NOS3: variants seen among roughly 807,000 people sequenced by gnomAD.
NOS3 encodes nitric oxide synthase 3.
In NOS3, 98 loss-of-function variants were observed where a neutral mutation model predicts 144.9. That is an observed-to-expected ratio of 0.68 (90% confidence interval 0.57 to 0.80). NOS3 has a LOEUF of 0.80. Ranked by LOEUF, NOS3 falls within the 30% of genes least tolerant of loss-of-function variation. The probability of loss-of-function intolerance (pLI) is 0.00; values close to 1 mark genes in which losing one functional copy is unlikely to be tolerated. For missense variants in NOS3, 1,465 were observed against 1,656.4 expected, an observed-to-expected ratio of 0.88 and a Z score of 2.01; for synonymous variants, 714 against 702.4, an observed-to-expected ratio of 1.02 and a Z score of -0.26.
chr7:150,992,799 T>G (rs1802281451), intron 1 of NOS3, among the ~76,000 whole-genome samples: 1 of 152,244 alleles, frequency 6.6e-6, no homozygotes, highest in Admixed American at 6.5e-5. Flanking sequence ...ATCACGAGGC[T>G]TCGACCCCTG....
chr7:151,013,947 T>C, intron 26 of NOS3, 29 bp downstream of exon 26: 1 of 1,602,016 alleles, frequency 6.2e-7, no homozygotes, highest in Non-Finnish European at 8.5e-7. Flanking sequence ...GGCCTGAGCG[T>C]GCGGGGTTCC....
Position 151,007,054 on chromosome 7 carries a change from C to G in NOS3, c.1938-48C>G, listed in dbSNP as rs369496580. On this transcript the variant is annotated intron_variant, in intron 16 of 26. Coordinates refer to ENST00000297494, the MANE Select transcript of NOS3 (RefSeq NM_000603.5). ...GCAACGGGTGGGCAAGCTGCCTGGGCAAACGTGGCCTGCAAAGGGAGCTCC... is the reference window on the plus strand; with the variant it reads ...GCAACGGGTGGGCAAGCTGCCTGGGGAAACGTGGCCTGCAAAGGGAGCTCC... 8.7e-6 allele frequency: 14 copies of G among 1,613,982 alleles called. No homozygotes were observed. The African/African-American group carries it at 1.9e-4, about 22-fold the overall frequency.
At position 151,008,453 on chromosome 7, in the gene NOS3, G is replaced by A. The variant is rs1795239363; in HGVS notation, c.2113-477G>A. ...TGGGGTCCCCTCTGCCGCCCGAATT[G>A]TGCGTCCCTTCCCAGGAGCACTTAC... is the stretch of plus-strand genomic sequence containing the variant. On this transcript the variant is annotated intron_variant, in intron 17 of 26. Transcript: ENST00000297494. Among the ~76,000 whole-genome samples, 4 of 152,174 alleles carry A rather than the reference G, an allele frequency of 2.6e-5. No homozygotes were observed. In the South Asian group the frequency reaches 8.3e-4, roughly 31 times the overall value.
At chr7:151,011,473 A>G (rs1795303092) in intron 23 of NOS3, among the ~76,000 whole-genome samples, 3 of 139,422 alleles carry the variant, frequency 2.2e-5, no homozygotes, top group Admixed American at 1.4e-4. Context: ...GTGCAGTGGT[A>G]CGATCTCGGC....
Position 151,008,166 on chromosome 7 carries a change from G to A in NOS3, c.2113-764G>A, listed in dbSNP as rs550437143. The stretch of plus-strand genomic sequence containing the variant: ...GCGTAGGATCCATTACAGCATCACC[G>A]AACCAGAAGCAGGAAGGCTGAGCTA... On this transcript the variant is annotated intron_variant, in intron 17 of 26. Coordinates refer to ENST00000297494, the MANE Select transcript of NOS3 (RefSeq NM_000603.5). 5.9e-5 allele frequency among the ~76,000 whole-genome samples: 9 copies of A among 152,306 alleles called. No individual in the cohort carries two copies. In the South Asian group the frequency reaches 1.7e-3, roughly 28 times the overall value.
chr7:151,011,258 CCTCT>C (rs1563232279), intron 23 of NOS3, among the ~76,000 whole-genome samples: 1 of 152,006 alleles, frequency 6.6e-6, no homozygotes, highest in Non-Finnish European at 1.5e-5. Context: ...CTTCTGTGTT[CCTCT>C]CTATGTCCCT....
chr7:150,995,896 A>G (rs1343502106), intron 3 of NOS3, among the ~76,000 whole-genome samples: 1 of 4,788 alleles, frequency 2.1e-4, no homozygotes, highest in East Asian at 5.6e-3. Context: ...TCCCACCCCT[A>G]AACCCCTCCT....
rs779840976 is a variant in NOS3, at chr7:151,014,088, C to G, written c.3531C>G (p.Ser1177Arg). 6.2e-7 allele frequency: 1 copy of G among 1,613,852 alleles called. No individual in the cohort carries two copies. Among genetic ancestry groups the G allele is most frequent in the East Asian group, 2.2e-5 (1 of 44,874 alleles). The change falls in exon 27 of 27, where the codon AGC becomes AGG. Residue 1177 changes from serine (S) to arginine (R), a missense_variant. Transcript: ENST00000297494. ...QEVTSRIRTQ[S>R]FSLQERQLRG... ...TGACAAGCCGCATACGCACCCAGAGCTTTTCCTTGCAGGAGCGTCAGTTGC... is the reference window on the plus strand; with the variant it reads ...TGACAAGCCGCATACGCACCCAGAGGTTTTCCTTGCAGGAGCGTCAGTTGC...
chr7:151,011,324 C>T (rs1270212381), intron 23 of NOS3, among the ~76,000 whole-genome samples: 2 of 151,892 alleles, frequency 1.3e-5, no homozygotes, highest in African/African-American at 4.8e-5. Context: ...GTCACTAAAT[C>T]CTCACTCAAT....
rs200058561 is a variant in NOS3 at position 150,998,498 on chromosome 7, G to C, written c.675-41G>C. Reference sequence around the variant, plus strand: ...CCCCAGCCTTCTTCCCCAAGGCAGGGAAGGCGGGGCTCTGACCAGCTCTTT... The same window carrying C: ...CCCCAGCCTTCTTCCCCAAGGCAGGCAAGGCGGGGCTCTGACCAGCTCTTT... On this transcript the variant is annotated intron_variant, in intron 6 of 26. Coordinates refer to ENST00000297494, the MANE Select transcript of NOS3 (RefSeq NM_000603.5). The surrounding 1 kb of genome is among the most constrained non-coding windows in gnomAD (Gnocchi z 5.0). 5.2e-3 allele frequency: 8,305 copies of C among 1,611,290 alleles called. 41 individuals are homozygous for C. The highest frequency in any genetic ancestry group is 5.7e-3 in the Non-Finnish European group (6,708 of 1,179,300).
intron 1 of NOS3, among the ~76,000 whole-genome samples, chr7:150,992,425 C>T (rs1802272693): frequency 6.6e-6 from 1 of 152,164 alleles, no homozygotes; most frequent in Non-Finnish European, 1.5e-5. Context: ...GGCTTGGGGT[C>T]ATGGGACAAA....
At chr7:150,995,107 G>T in intron 2 of NOS3, 96 bp from the exon 3 acceptor site, 1 of 642,186 alleles carries the variant, frequency 1.6e-6, no homozygotes, top group South Asian at 2.1e-5. Flanking sequence ...TGGGCTGTGA[G>T]ATCGCCAGTG....
intron 18 of NOS3, 54 bp downstream of exon 18, chr7:151,009,116 G>A: frequency 2.5e-6 from 4 of 1,612,948 alleles, no homozygotes; most frequent in Admixed American, 1.7e-5. Flanking sequence ...CCCACACCCC[G>A]GGACTAAAGC....
At position 151,010,537 on chromosome 7, in the gene NOS3, G is replaced by A; in HGVS notation, c.2686-60G>A. On this transcript the variant is annotated intron_variant, in intron 21 of 26. Transcript: ENST00000297494. ...AGAGGCTCAGTGGGGGAGGGGTCAA[G>A]AAGGGAGGTTACTAGGAAGGGCTAT... is the stretch of plus-strand genomic sequence containing the variant. 3 of 1,460,326 alleles carry A rather than the reference G, an allele frequency of 2.1e-6. No homozygotes were observed. The South Asian group carries it at 4.1e-5, about 20-fold the overall frequency. The allele number at this position is 1,460,326 out of a possible 1,614,324, so 90.5% of individuals were successfully genotyped here.
Position 151,013,859 on chromosome 7 carries a change from C to T in NOS3, c.3391C>T (p.Leu1131=). ...CGTCCTGCAGACCGTGCAGCGCATC[C>T]TGGCGACGGAGGGCGACATGGAGCT... The part of the protein sequence containing the change: ...TNVLQTVQRI[L]ATEGDMELDE... Residue 1131 remains leucine (L), a synonymous_variant, in exon 26 of 27, where the codon CTG becomes TTG. Transcript: ENST00000297494. The T allele has an allele frequency of 1.2e-6, 2 of 1,604,358 alleles. No homozygotes were observed. The highest frequency in any genetic ancestry group is 2.2e-5 in the South Asian group (2 of 89,580).
chr7:151,001,716 T>C, intron 12 of NOS3, 99 bp downstream of exon 12: 1 of 1,574,258 alleles, frequency 6.4e-7, no homozygotes, highest in Non-Finnish European at 8.7e-7. Context: ...GTTCTGGGCC[T>C]ACCACTCAGT....
At chr7:151,013,069 T>C in intron 24 of NOS3, 162 bp from the exon 25 acceptor site, 1 of 768,386 alleles carries the variant, frequency 1.3e-6, no homozygotes, top group Non-Finnish European at 2.1e-6. Context: ...GCAGGGTCTC[T>C]GTGAAAGCAT....
chr7:151,001,170 G>A, intron 10 of NOS3, 61 bp from the exon 11 acceptor site: 2 of 1,564,350 alleles, frequency 1.3e-6, no homozygotes, highest in South Asian at 1.1e-5. Flanking sequence ...GAGTGGTGGA[G>A]GAAGAATGGG....
rs1416732381 is a variant in NOS3 at position 151,001,432 on chromosome 7, AC to A, written c.1428+10del. ...CCCGGCCTTCCGCTACCAGGTGCCC[AC>A]CCTAACTGGCTCTGCCAGCCTGGGC... On this transcript the variant is annotated splice_region_variant and intron_variant, in intron 11 of 26. Transcript: ENST00000297494. 2 of 1,585,728 alleles carry A rather than the reference AC, an allele frequency of 1.3e-6. No homozygotes were observed. Among genetic ancestry groups the A allele is most frequent in the Non-Finnish European group, 1.7e-6 (2 of 1,163,694 alleles).
Sources: allele counts gnomAD v4.1 joint callset (sites outside exome capture counted in the v4.1 genomes callset), GRCh38; gene constraint gnomAD v4.1.1; non-coding constraint Gnocchi (gnomAD v3.1); transcripts MANE v1.5; gene names NCBI Gene and HGNC (gene_info 2026-07-23, HGNC 2026-07-21).